The following HERC1 variants were observed in gnomAD, a reference collection of about 807,000 sequenced individuals.
HERC1 encodes the protein probable E3 ubiquitin-protein ligase HERC1.
HERC1 carries 160 observed loss-of-function variants against 554.3 expected under a neutral mutation model. The ratio of observed to expected loss-of-function variants is 0.29; its 90% CI spans 0.25 to 0.33. The LOEUF is 0.33. HERC1 is among the 10% of genes least tolerant of loss of function. The pLI, the probability that HERC1 is intolerant of heterozygous loss-of-function variation, is 1.00. For missense variants in HERC1, 4,919 were observed against 5,918.5 expected, an observed-to-expected ratio of 0.83 and a Z score of 5.54; for synonymous variants, 2,175 against 2,131.7, an observed-to-expected ratio of 1.02 and a Z score of -0.56.
At chr15:63,683,927 G>A (rs1027616236) in intron 34 of HERC1, among the ~76,000 whole-genome samples, 8 of 152,214 alleles carry the variant, frequency 5.3e-5, no homozygotes, top group Non-Finnish European at 1.0e-4. Context: ...TGTGCTCTAG[G>A]TTATTTCAAC....
At chr15:63,685,823 T>C (rs144063716) in intron 34 of HERC1, among the ~76,000 whole-genome samples, 8 of 152,352 alleles carry the variant, frequency 5.3e-5, no homozygotes, top group African/African-American at 1.7e-4. Flanking sequence ...ATGGGGGAAC[T>C]TGACTGGTAA....
chr15:63,801,348 T>C (rs1362146599), intron 1 of HERC1, among the ~76,000 whole-genome samples: 4 of 152,202 alleles, frequency 2.6e-5, no homozygotes, highest in Non-Finnish European at 4.4e-5. Flanking sequence ...AGTAGTCTTG[T>C]GGGACTGAGC....
At chr15:63,663,444 T>C (rs1051051587) in intron 43 of HERC1, among the ~76,000 whole-genome samples, 1 of 152,162 alleles carries the variant, frequency 6.6e-6, no homozygotes, top group African/African-American at 2.4e-5. Context: ...ATCCATGCGA[T>C]GCTTTATAAT....
chr15:63,775,048 G>A lies in HERC1; in HGVS notation c.576C>T (p.Val192=), dbSNP rs776319896. The A allele has an allele frequency of 1.2e-6, 2 of 1,613,972 alleles. No individual in the cohort carries two copies. Among genetic ancestry groups the A allele is most frequent in the Non-Finnish European group, 1.7e-6 (2 of 1,179,838 alleles). ...TCACAACTTCAATTGCAGTATGAAT[G>A]ACATCGTTGCAAAGACTGAGACCAG... The part of the protein sequence containing the change: ...SGPGLSLCND[V]IHTAIEVVSS... Residue 192 remains valine (V), a synonymous_variant, in exon 2 of 78, where the codon GTC becomes GTT. Coordinates refer to ENST00000443617, the MANE Select transcript of HERC1 (RefSeq NM_003922.4). This position sits in a 1 kb window ranked among gnomAD's most constrained non-coding sequence, Gnocchi z 4.0.
chr15:63,754,901 G>A (rs767326507), intron 6 of HERC1, among the ~76,000 whole-genome samples: 5 of 152,096 alleles, frequency 3.3e-5, no homozygotes, highest in African/African-American at 1.2e-4. Context: ...CTTACCTTGT[G>A]TTGTCCTGTT....
intron 25 of HERC1, among the ~76,000 whole-genome samples, chr15:63,705,781 G>C (rs537348573): frequency 5.1e-4 from 77 of 152,216 alleles, no homozygotes; most frequent in African/African-American, 1.8e-3. Flanking sequence ...AATAATCCCA[G>C]CACTTTGGGA....
At chr15:63,678,401 A>G (rs1555417591) in intron 36 of HERC1, 36 bp from the exon 37 acceptor site, 4 of 1,519,312 alleles carry the variant, frequency 2.6e-6, no homozygotes, top group Non-Finnish European at 3.5e-6. Context: ...AACACATGCT[A>G]TTAGTAGTTC....
At chr15:63,768,631 G>A (rs939982932) in intron 2 of HERC1, among the ~76,000 whole-genome samples, 1 of 152,178 alleles carries the variant, frequency 6.6e-6, no homozygotes, top group Non-Finnish European at 1.5e-5. Flanking sequence ...GTAGACTGAT[G>A]TACCTTTCTA....
At chr15:63,759,276 A>G (rs1047776387) in intron 3 of HERC1, among the ~76,000 whole-genome samples, 2 of 152,222 alleles carry the variant, frequency 1.3e-5, no homozygotes, top group African/African-American at 4.8e-5. Flanking sequence ...AAAACAGCGA[A>G]GGCACAAAGC....
At chr15:63,645,155 T>C (rs2069268518) in intron 56 of HERC1, 58 bp from the exon 57 acceptor site, 1 of 1,249,614 alleles carries the variant, frequency 8.0e-7, no homozygotes, top group Admixed American at 1.7e-5. Context: ...AGTAAAAATA[T>C]TTCCGAATTG....
chr15:63,796,770 A>G (rs971579746), intron 1 of HERC1, among the ~76,000 whole-genome samples: 5 of 152,232 alleles, frequency 3.3e-5, no homozygotes, highest in African/African-American at 1.2e-4. Context: ...CAGATTGGCA[A>G]TTGGTTGAAA....
chr15:63,783,313 G>C (rs529002436), intron 1 of HERC1, among the ~76,000 whole-genome samples: 1 of 152,052 alleles, frequency 6.6e-6, no homozygotes, highest in African/African-American at 2.4e-5. Flanking sequence ...CCCCCATCCC[G>C]ATCAGTCAGC....
intron 40 of HERC1, among the ~76,000 whole-genome samples, chr15:63,668,535 GC>G (rs1353780259): frequency 6.6e-6 from 1 of 152,122 alleles, no homozygotes; most frequent in Non-Finnish European, 1.5e-5. Flanking sequence ...ACAACATGCT[GC>G]CTTTACCCAT....
intron 1 of HERC1, among the ~76,000 whole-genome samples, chr15:63,800,236 T>C (rs1323556252): frequency 1.3e-5 from 2 of 152,212 alleles, no homozygotes; most frequent in African/African-American, 2.4e-5. Flanking sequence ...TGAAGTCTGT[T>C]TCAAAGGGGA....
chr15:63,720,549 C>T (rs1027160656), intron 19 of HERC1, among the ~76,000 whole-genome samples: 3 of 152,098 alleles, frequency 2.0e-5, no homozygotes, highest in Admixed American at 2.0e-4. Flanking sequence ...ATGTTATATG[C>T]TGGTTTTCAT....
chr15:63,696,310 G>C lies in HERC1; in HGVS notation c.4935C>G (p.Leu1645=). 1 of 1,612,604 alleles carries C rather than the reference G, an allele frequency of 6.2e-7. No individual in the cohort carries two copies. Among genetic ancestry groups the C allele is most frequent in the Non-Finnish European group, 8.5e-7 (1 of 1,179,316 alleles). The stretch of plus-strand genomic sequence containing the variant: ...TTTCTTCCATCCCAGACAATAGAAC[G>C]AGGATCTGATGAAGTGCCTCTAAAC... The part of the protein sequence containing the change: ...ELRLEALHQI[L]VLLSGMEEKG... The change falls in exon 27 of 78, where the codon CTC becomes CTG. Residue 1645 remains leucine (L), a synonymous_variant. Transcript: ENST00000443617.
intron 1 of HERC1, among the ~76,000 whole-genome samples, chr15:63,832,442 C>T (rs1472876655): frequency 6.6e-6 from 1 of 152,128 alleles, no homozygotes; most frequent in Non-Finnish European, 1.5e-5. Flanking sequence ...TGTCACAGAA[C>T]AATTTTGGTC....
intron 1 of HERC1, among the ~76,000 whole-genome samples, chr15:63,833,359 G>A (rs2078221713): frequency 6.6e-6 from 1 of 152,122 alleles, no homozygotes; most frequent in African/African-American, 2.4e-5. Flanking sequence ...CGGCGCCTGG[G>A]GACACCGGGG....
At chr15:63,772,885 C>T (rs1393715743) in intron 2 of HERC1, among the ~76,000 whole-genome samples, 1 of 151,994 alleles carries the variant, frequency 6.6e-6, no homozygotes, top group Non-Finnish European at 1.5e-5. Flanking sequence ...AAGTACTTAC[C>T]TATGATAAAA....
Sources: gnomAD v4.1 joint callset for allele counts (sites outside exome capture counted in the v4.1 genomes callset) on GRCh38, gnomAD v4.1.1 for gene constraint, Gnocchi (gnomAD v3.1) non-coding constraint, MANE v1.5 for transcripts, NCBI Gene and HGNC (gene_info 2026-07-23, HGNC 2026-07-21) for gene names.